Variants in GRM1 observed in about 807,000 individuals in gnomAD.
The protein encoded by GRM1 is metabotropic glutamate receptor 1.
GRM1 carries 33 observed loss-of-function variants against 90.9 expected under a neutral mutation model. The ratio of observed to expected loss-of-function variants is 0.36; its 90% CI spans 0.28 to 0.49. The LOEUF (loss-of-function observed/expected upper bound fraction) is 0.49, where lower values mean the gene tolerates loss of function less well. Ranked by LOEUF, GRM1 falls within the 20% of genes least tolerant of loss-of-function variation. The probability of loss-of-function intolerance (pLI) is 0.99; values close to 1 mark genes in which losing one functional copy is unlikely to be tolerated. For missense variants in GRM1, 1,190 were observed against 1,534.3 expected (o/e 0.78, Z 3.75); for synonymous variants, 700 against 613.2 (o/e 1.14, Z -2.09).
chr6:146,302,228 C>A (rs1306961375), intron 2 of GRM1, among the ~76,000 whole-genome samples: 3 of 151,226 alleles, frequency 2.0e-5, no homozygotes, highest in Non-Finnish European at 4.4e-5. Flanking sequence ...CAGCCATCAC[C>A]TTCTTAAAGA....
At chr6:146,274,511 T>G (rs1169958083) in intron 2 of GRM1, among the ~76,000 whole-genome samples, 1 of 152,182 alleles carries the variant, frequency 6.6e-6, no homozygotes, top group Non-Finnish European at 1.5e-5. Flanking sequence ...CTCTTGTCAA[T>G]TTTGTTAATT....
intron 6 of GRM1, among the ~76,000 whole-genome samples, chr6:146,389,448 G>C (rs362851): frequency 0.58 from 87,977 of 151,894 alleles, 27,751 homozygotes; most frequent in African/African-American, 0.85. Context: ...TGATGTAATA[G>C]TGGAACTCAA....
intron 1 of GRM1, among the ~76,000 whole-genome samples, chr6:146,045,184 A>G (rs781470849): frequency 1.1e-4 from 17 of 152,022 alleles, no homozygotes; most frequent in Non-Finnish European, 2.4e-4. Flanking sequence ...TAGGCAGAAA[A>G]TGGATTTTAA....
intron 1 of GRM1, among the ~76,000 whole-genome samples, chr6:146,038,810 G>C (rs1452389399): frequency 6.6e-6 from 1 of 151,060 alleles, no homozygotes; most frequent in Admixed American, 6.6e-5. Flanking sequence ...ATAAAAGGTA[G>C]AACAAAAAAA....
chr6:146,350,193 G>A (rs894974185), intron 3 of GRM1, among the ~76,000 whole-genome samples: 4 of 152,194 alleles, frequency 2.6e-5, no homozygotes, highest in African/African-American at 9.6e-5. Context: ...TAAGAAATTT[G>A]TACTGGGGAC....
intron 1 of GRM1, among the ~76,000 whole-genome samples, chr6:146,125,915 G>A (rs542126535): frequency 6.6e-6 from 1 of 152,160 alleles, no homozygotes; most frequent in Non-Finnish European, 1.5e-5. Context: ...ACTGATCAGA[G>A]TACTATTTGT....
chr6:146,159,068 G>A (rs976496009), intron 1 of GRM1, among the ~76,000 whole-genome samples: 1 of 152,134 alleles, frequency 6.6e-6, no homozygotes, highest in African/African-American at 2.4e-5. Flanking sequence ...TATTAATAAT[G>A]GTTGTAAAAT....
At chr6:146,051,554 A>G (rs1055000472) in intron 1 of GRM1, among the ~76,000 whole-genome samples, 1 of 152,202 alleles carries the variant, frequency 6.6e-6, no homozygotes, top group African/African-American at 2.4e-5. Context: ...AGTGTTTAAT[A>G]TGCTCCTGTT....
At chr6:146,232,756 C>A (rs1438215600) in intron 2 of GRM1, among the ~76,000 whole-genome samples, 1 of 151,966 alleles carries the variant, frequency 6.6e-6, no homozygotes, top group Non-Finnish European at 1.5e-5. Context: ...CCTTAATTAT[C>A]TCTGTTAAGG....
chr6:146,120,432 T>C (rs1469202135), intron 1 of GRM1, among the ~76,000 whole-genome samples: 2 of 152,092 alleles, frequency 1.3e-5, no homozygotes, highest in African/African-American at 2.4e-5. Context: ...CCTTTATTTC[T>C]TTCTCCTGCC....
At chr6:146,424,291 T>C (rs922952126) in intron 7 of GRM1, among the ~76,000 whole-genome samples, 1 of 152,220 alleles carries the variant, frequency 6.6e-6, no homozygotes, top group Non-Finnish European at 1.5e-5. Context: ...CTTGAGATAG[T>C]ACAGGGCACA....
intron 2 of GRM1, among the ~76,000 whole-genome samples, chr6:146,294,875 T>A (rs1783122530): frequency 6.6e-6 from 1 of 152,216 alleles, no homozygotes; most frequent in Admixed American, 6.5e-5. Context: ...ATTTGTTTGG[T>A]TAATCTCCTA....
intron 2 of GRM1, among the ~76,000 whole-genome samples, chr6:146,267,577 G>A (rs1781939314): frequency 6.6e-6 from 1 of 150,858 alleles, no homozygotes; most frequent in East Asian, 2.0e-4. Context: ...CTGATGGATT[G>A]AGGGCAAGAA....
At position 146,268,777 on chromosome 6, in the gene GRM1, A is replaced by G. The variant is rs573420201; in HGVS notation, c.951-35834A>G. ...AAACTCATAATGCTCTAAAATTTTT[A>G]TAGAACCACAAATGACTTCAAATAG... On this transcript the variant is annotated intron_variant, in intron 2 of 7. Transcript: ENST00000282753. Among the ~76,000 whole-genome samples, 4 of 152,350 alleles carry G rather than the reference A, an allele frequency of 2.6e-5. No homozygotes were observed. The South Asian group carries it at 8.3e-4, about 32-fold the overall frequency.
intron 1 of GRM1, among the ~76,000 whole-genome samples, chr6:146,064,800 A>AAAC (rs1775792329): frequency 6.6e-6 from 1 of 151,886 alleles, no homozygotes; most frequent in African/African-American, 2.4e-5. Flanking sequence ...CAAAAAAAAA[A>AAAC]AAAAAAATTT....
intron 5 of GRM1, among the ~76,000 whole-genome samples, chr6:146,383,225 G>A (rs1776384043): frequency 6.6e-6 from 1 of 152,120 alleles, no homozygotes; most frequent in African/African-American, 2.4e-5. Context: ...AATGTATTCA[G>A]TCATTCAAAA....
chr6:146,348,274 T>C (rs1785253712), intron 3 of GRM1, among the ~76,000 whole-genome samples: 1 of 152,224 alleles, frequency 6.6e-6, no homozygotes, highest in East Asian at 1.9e-4. Flanking sequence ...ATAGGAGCTT[T>C]AGAGGACAGG....
intron 1 of GRM1, among the ~76,000 whole-genome samples, chr6:146,150,749 T>A (rs1777294707): frequency 6.6e-6 from 1 of 152,150 alleles, no homozygotes; most frequent in Non-Finnish European, 1.5e-5. Context: ...ATCCTTCTAC[T>A]CTATCTCCAT....
chr6:146,382,937 G>A (rs1426811445), intron 5 of GRM1, among the ~76,000 whole-genome samples: 1 of 152,074 alleles, frequency 6.6e-6, no homozygotes, highest in East Asian at 1.9e-4. Flanking sequence ...TCTGGAGTGA[G>A]AAGAAATTAG....
Sources: gnomAD v4.1 joint callset for allele counts (sites outside exome capture counted in the v4.1 genomes callset) on GRCh38, gnomAD v4.1.1 for gene constraint, MANE v1.5 for transcripts, NCBI Gene and HGNC (gene_info 2026-07-23, HGNC 2026-07-21) for gene names.